The following PRKG1 variants were observed in gnomAD, a reference collection of about 807,000 sequenced individuals.
PRKG1 encodes protein kinase cGMP-dependent 1, also known as cGMP-dependent protein kinase 1.
PRKG1 carries 35 observed loss-of-function variants against 88.1 expected under a neutral mutation model. That is an observed-to-expected ratio of 0.40 (90% CI 0.30 to 0.53). The LOEUF is 0.53. Ranked by LOEUF, PRKG1 falls within the 20% of genes least tolerant of loss-of-function variation. PRKG1 has a pLI of 0.59. For missense variants in PRKG1, 540 were observed against 839.8 expected, an observed-to-expected ratio of 0.64 and a Z score of 4.41; for synonymous variants, 303 against 292.5, an observed-to-expected ratio of 1.04 and a Z score of -0.37.
chr10:51,785,824 C>G (rs1390413495), intron 3 of PRKG1, among the ~76,000 whole-genome samples: 1 of 152,122 alleles, frequency 6.6e-6, no homozygotes, highest in Non-Finnish European at 1.5e-5. Flanking sequence ...GCACTCATTA[C>G]TACTTTTGTC....
intron 2 of PRKG1, among the ~76,000 whole-genome samples, chr10:51,419,404 A>G (rs1333175709): frequency 6.6e-6 from 1 of 152,162 alleles, no homozygotes; most frequent in Admixed American, 6.6e-5. Flanking sequence ...ACCTCCATGG[A>G]TAAAGAAGAA....
At chr10:52,078,224 T>C (rs879944417) in intron 7 of PRKG1, among the ~76,000 whole-genome samples, 1 of 152,210 alleles carries the variant, frequency 6.6e-6, no homozygotes, top group Non-Finnish European at 1.5e-5. Context: ...CTTTAAGTCT[T>C]TTACATTGTA....
chr10:51,312,124 G>T (rs3862581), intron 2 of PRKG1, among the ~76,000 whole-genome samples: 1 of 151,818 alleles, frequency 6.6e-6, no homozygotes, highest in Non-Finnish European at 1.5e-5. Context: ...TGCCCGCCTC[G>T]GCCTCCAAAA....
intron 1 of PRKG1, among the ~76,000 whole-genome samples, chr10:51,080,033 G>T (rs1388485358): frequency 6.6e-6 from 1 of 152,150 alleles, no homozygotes; most frequent in African/African-American, 2.4e-5. Flanking sequence ...CATCTTTCTT[G>T]TTTTTGTGGA....
chr10:51,247,815 C>T (rs1839332429), intron 2 of PRKG1, among the ~76,000 whole-genome samples: 1 of 151,706 alleles, frequency 6.6e-6, no homozygotes, highest in South Asian at 2.1e-4. Flanking sequence ...TCTTGTCTTC[C>T]TCTCCCATTC....
intron 5 of PRKG1, among the ~76,000 whole-genome samples, chr10:51,957,614 T>C (rs962531543): frequency 6.6e-6 from 1 of 152,192 alleles, no homozygotes; most frequent in African/African-American, 2.4e-5. Flanking sequence ...TTTAAAACTA[T>C]AAATTACTAT....
At chr10:51,771,233 A>G (rs1838296833) in intron 3 of PRKG1, among the ~76,000 whole-genome samples, 1 of 152,196 alleles carries the variant, frequency 6.6e-6, no homozygotes, top group Non-Finnish European at 1.5e-5. Context: ...AAAATTCAGC[A>G]TTGTAATCTT....
At chr10:52,126,513 T>C (rs550088721) in intron 7 of PRKG1, among the ~76,000 whole-genome samples, 1 of 152,242 alleles carries the variant, frequency 6.6e-6, no homozygotes, top group East Asian at 1.9e-4. Context: ...ATACTTCTTT[T>C]TCTTTCTTTC....
intron 2 of PRKG1, among the ~76,000 whole-genome samples, chr10:51,290,135 G>A (rs1343008190): frequency 6.6e-6 from 1 of 152,136 alleles, no homozygotes; most frequent in Non-Finnish European, 1.5e-5. Flanking sequence ...TTGGACACAG[G>A]AGGCTGAGAT....
At chr10:52,128,073 T>C (rs929146337) in intron 7 of PRKG1, 1 of 985,336 alleles carries the variant, frequency 1.0e-6, no homozygotes, top group South Asian at 4.7e-5. Context: ...AGATTGCTTT[T>C]GATTTTGAGA....
At chr10:51,717,396 A>G (rs1020356749) in intron 3 of PRKG1, among the ~76,000 whole-genome samples, 1 of 152,244 alleles carries the variant, frequency 6.6e-6, no homozygotes, top group Non-Finnish European at 1.5e-5. Flanking sequence ...TGCAGAGCCA[A>G]GAGGGCAGCT....
intron 3 of PRKG1, among the ~76,000 whole-genome samples, chr10:51,727,250 G>A (rs533505754): frequency 1.5e-3 from 224 of 150,616 alleles, no homozygotes; most frequent in African/African-American, 5.1e-3. Flanking sequence ...AGACCAGCCT[G>A]GGCAACACAG....
At chr10:51,147,593 A>G (rs1216610283) in intron 1 of PRKG1, among the ~76,000 whole-genome samples, 2 of 152,188 alleles carry the variant, frequency 1.3e-5, no homozygotes, top group African/African-American at 2.4e-5. Flanking sequence ...TAAATAATCT[A>G]TTTTAGAACT....
intron 3 of PRKG1, among the ~76,000 whole-genome samples, chr10:51,614,551 G>C (rs904314595): frequency 1.3e-5 from 2 of 151,952 alleles, no homozygotes; most frequent in African/African-American, 4.8e-5. Flanking sequence ...TGATGTATGA[G>C]ATTTTGTTTC....
chr10:51,923,341 A>AC (rs1405020780), intron 5 of PRKG1, among the ~76,000 whole-genome samples: 1 of 151,776 alleles, frequency 6.6e-6, no homozygotes, highest in African/African-American at 2.4e-5. Context: ...AATCCATTTA[A>AC]CAGTCTCTGT....
chr10:52,083,743 G>A (rs1254707689), intron 7 of PRKG1, among the ~76,000 whole-genome samples: 2 of 151,988 alleles, frequency 1.3e-5, no homozygotes, highest in Non-Finnish European at 2.9e-5. Flanking sequence ...TACCTAAAGA[G>A]TTCAAGGATG....
chr10:52,066,230 ACC>A (rs941210492), intron 7 of PRKG1, among the ~76,000 whole-genome samples: 1 of 151,724 alleles, frequency 6.6e-6, no homozygotes, highest in Non-Finnish European at 1.5e-5. Context: ...TAAATTCTCC[ACC>A]CTTCGGGACC....
intron 2 of PRKG1, among the ~76,000 whole-genome samples, chr10:51,159,809 G>A (rs1165309691): frequency 6.6e-6 from 1 of 152,050 alleles, no homozygotes; most frequent in Non-Finnish European, 1.5e-5. Flanking sequence ...GTGAAAACAT[G>A]GTCACATGGA....
intron 5 of PRKG1, among the ~76,000 whole-genome samples, chr10:52,034,215 C>T (rs1845546395): frequency 6.6e-6 from 1 of 151,776 alleles, no homozygotes; most frequent in Admixed American, 6.6e-5. Flanking sequence ...ACATTCCTGC[C>T]TTCTTACATT....
Sources: allele counts gnomAD v4.1 joint callset (sites outside exome capture counted in the v4.1 genomes callset), GRCh38; gene constraint gnomAD v4.1.1; transcripts MANE v1.5; gene names NCBI Gene and HGNC (gene_info 2026-07-23, HGNC 2026-07-21).